SYPL1: variants seen among roughly 807,000 people sequenced by gnomAD.
SYPL1 encodes synaptophysin like 1, also known as synaptophysin-like protein 1.
A neutral mutation model predicts 23.7 loss-of-function variants in SYPL1; 6 were observed. The ratio of observed to expected loss-of-function variants is 0.25; its 90% CI spans 0.14 to 0.50. The LOEUF (loss-of-function observed/expected upper bound fraction) is 0.50. Among genes scored for constraint, SYPL1 ranks in the 20% least tolerant of loss-of-function variants. The pLI, the probability that SYPL1 is intolerant of heterozygous loss-of-function variation, is 0.98. For missense variants in SYPL1, 253 were observed against 288.9 expected, an observed-to-expected ratio of 0.88 and a Z score of 0.90; for synonymous variants, 102 against 104.5, an observed-to-expected ratio of 0.98 and a Z score of 0.15.
intron 1 of SYPL1, among the ~76,000 whole-genome samples, chr7:106,111,519 G>A (rs1034853309): frequency 6.6e-6 from 1 of 152,206 alleles, no homozygotes; most frequent in Non-Finnish European, 1.5e-5. Flanking sequence ...CAAACTCGAT[G>A]TCCATTCCTA....
intron 3 of SYPL1, among the ~76,000 whole-genome samples, chr7:106,094,562 A>C (rs1028131830): frequency 1.3e-5 from 2 of 152,232 alleles, no homozygotes; most frequent in African/African-American, 4.8e-5. Flanking sequence ...GCACTGTGGA[A>C]GTACTCCCCC....
intron 2 of SYPL1, among the ~76,000 whole-genome samples, chr7:106,098,873 C>T (rs1720499667): frequency 6.6e-6 from 1 of 152,188 alleles, no homozygotes; most frequent in Non-Finnish European, 1.5e-5. Context: ...TTTATTTTTA[C>T]ATTTCCAATC....
chr7:106,097,942 C>A lies in SYPL1; in HGVS notation c.195-45G>T. The A allele has an allele frequency of 1.3e-6, 2 of 1,517,408 alleles. No individual in the cohort carries two copies. The highest frequency in any genetic ancestry group is 1.2e-5 in the South Asian group (1 of 84,144). The allele number at this position is 1,517,408 out of a possible 1,614,324, so 94.0% of individuals were successfully genotyped here. On this transcript the variant is annotated intron_variant, in intron 2 of 4. Coordinates refer to ENST00000455385, the MANE Select transcript of SYPL1 (RefSeq NM_182715.4). The surrounding 1 kb of genome is among the most constrained non-coding windows in gnomAD (Gnocchi z 4.6). ...AATTATTGGACTTTCCCAACAGAGACAGAAACATTTAAGCAAAACAATGAG... is the reference window on the plus strand; with the variant it reads ...AATTATTGGACTTTCCCAACAGAGAAAGAAACATTTAAGCAAAACAATGAG...
chr7:106,110,381 T>C (rs1032479519), intron 1 of SYPL1, among the ~76,000 whole-genome samples: 5 of 152,216 alleles, frequency 3.3e-5, no homozygotes, highest in Non-Finnish European at 7.3e-5. Flanking sequence ...CCTCCCTAGT[T>C]CCTCCAAGCA....
At chr7:106,098,073 GTATATGT>G (rs995172389) in intron 2 of SYPL1, among the ~76,000 whole-genome samples, 176 bp from the exon 3 acceptor site, 6 of 152,136 alleles carry the variant, frequency 3.9e-5, no homozygotes, top group Non-Finnish European at 8.8e-5. Flanking sequence ...CATAATAAAT[GTATATGT>G]TATACCTGGT....
At chr7:106,111,299 T>C (rs930280620) in intron 1 of SYPL1, among the ~76,000 whole-genome samples, 1 of 152,254 alleles carries the variant, frequency 6.6e-6, no homozygotes, top group East Asian at 1.9e-4. Flanking sequence ...CTGCTGTCTA[T>C]AAACACAACT....
At position 106,104,216 on chromosome 7, in the gene SYPL1, T is replaced by C. The variant is rs1339053902; in HGVS notation, c.70-4934A>G. 1.3e-5 allele frequency among the ~76,000 whole-genome samples: 2 copies of C among 152,126 alleles called. No homozygotes were observed. The highest frequency in any genetic ancestry group is 6.6e-5 in the Admixed American group (1 of 15,266). On this transcript the variant is annotated intron_variant, in intron 1 of 4. Transcript: ENST00000455385. This position sits in a 1 kb window ranked among gnomAD's most constrained non-coding sequence, Gnocchi z 4.1. ...TAACTCTATTATATATGAACTCTAC[T>C]ATAGGCATTTTTCTTGTGTAACTTG...
chr7:106,095,637 C>A lies in SYPL1; in HGVS notation c.402+2053G>T, dbSNP rs879699486. Among the ~76,000 whole-genome samples, 1 of 152,132 alleles carries A rather than the reference C, an allele frequency of 6.6e-6. No individual in the cohort carries two copies. Among genetic ancestry groups the A allele is most frequent in the Non-Finnish European group, 1.5e-5 (1 of 68,010 alleles). On this transcript the variant is annotated intron_variant, in intron 3 of 4. Transcript: ENST00000455385. The surrounding 1 kb of genome is among the most constrained non-coding windows in gnomAD (Gnocchi z 4.3). ...AAAGTGCTGGGATTACAGGCATGAC[C>A]CACTGCACCCAGTCTCTCAAAGAAA...
At position 106,091,997 on chromosome 7, in the gene SYPL1, CTACT is replaced by C; in HGVS notation, c.592-62_592-59del. ...ATACCTACTTATAAAAATTCATGCC[CTACT>C]TAAAAATCTCACTTTTTCTTTAAAT... is the stretch of plus-strand genomic sequence containing the variant. On this transcript the variant is annotated intron_variant, in intron 4 of 4. Transcript: ENST00000455385. The surrounding 1 kb of genome is among the most constrained non-coding windows in gnomAD (Gnocchi z 5.0). The C allele has an allele frequency of 2.6e-6, 4 of 1,510,592 alleles. 1 individual carries two copies. The South Asian group carries it at 5.0e-5, about 19-fold the overall frequency. 93.6% of individuals were successfully genotyped at this position (1,510,592 alleles called of 1,614,324 possible).
intron 1 of SYPL1, among the ~76,000 whole-genome samples, chr7:106,105,489 C>T (rs1166558091): frequency 6.7e-6 from 1 of 148,244 alleles, no homozygotes; most frequent in Admixed American, 6.8e-5. Context: ...AACAGTCCCA[C>T]TTACTTCTCT....
intron 1 of SYPL1, 41 bp from the exon 2 acceptor site, chr7:106,099,323 A>G: frequency 6.3e-7 from 1 of 1,586,446 alleles, no homozygotes. Context: ...GAAAAAAAAG[A>G]TAAGCAATAC....
chr7:106,100,608 T>A lies in SYPL1; in HGVS notation c.70-1326A>T, dbSNP rs1421715953. ...AGGAGCTCAATCTTTCAGCAAGTGG[T>A]GATGGCTCTATTTTCAAAATACATT... On this transcript the variant is annotated intron_variant, in intron 1 of 4. Coordinates refer to ENST00000455385, the MANE Select transcript of SYPL1 (RefSeq NM_182715.4). The surrounding 1 kb of genome is among the most constrained non-coding windows in gnomAD (Gnocchi z 5.1). 1.3e-5 allele frequency among the ~76,000 whole-genome samples: 2 copies of A among 152,218 alleles called. No homozygotes were observed. Among genetic ancestry groups the A allele is most frequent in the African/African-American group, 2.4e-5 (1 of 41,452 alleles).
At chr7:106,108,484 T>C (rs1435394198) in intron 1 of SYPL1, among the ~76,000 whole-genome samples, 1 of 152,150 alleles carries the variant, frequency 6.6e-6, no homozygotes, top group Non-Finnish European at 1.5e-5. Context: ...GTCATGGTCA[T>C]TTCTGCTTGG....
At chr7:106,092,925 A>C in intron 4 of SYPL1, 24 bp downstream of exon 4, 1 of 1,500,632 alleles carries the variant, frequency 6.7e-7, no homozygotes, top group Non-Finnish European at 8.9e-7. Context: ...TGAAAGAAAA[A>C]AATTATAAAT....
At chr7:106,092,672 C>CAA (rs549863505) in intron 4 of SYPL1, 7,964 of 268,302 alleles carry the variant, frequency 0.03, 2 homozygotes, top group South Asian at 0.05. Context: ...AACTCCATCT[C>CAA]AAAAAAAAAA....
chr7:106,098,292 G>A (rs1840134511), intron 2 of SYPL1, among the ~76,000 whole-genome samples: 1 of 152,094 alleles, frequency 6.6e-6, no homozygotes, highest in Non-Finnish European at 1.5e-5. Context: ...TTTTAACCCT[G>A]GATCAATAGT....
intron 3 of SYPL1, among the ~76,000 whole-genome samples, chr7:106,094,368 T>G (rs533295158): frequency 6.6e-6 from 1 of 152,264 alleles, no homozygotes; most frequent in Admixed American, 6.5e-5. Flanking sequence ...AGCTATGCTA[T>G]ATAGCTTGCC....
In SYPL1 at chr7:106,091,499, T is replaced by C. The variant is rs1222979049; in HGVS notation, c.*306A>G. Reference sequence around the variant, plus strand: ...TAACTGTTTTCTGAATGAAGATACATGTTAAGGCTTAAGGTGTAAACACTT... The same window carrying C: ...TAACTGTTTTCTGAATGAAGATACACGTTAAGGCTTAAGGTGTAAACACTT... On this transcript the variant is annotated 3_prime_UTR_variant, in exon 5 of 5. Transcript: ENST00000455385. The surrounding 1 kb of genome is among the most constrained non-coding windows in gnomAD (Gnocchi z 5.0). 2.5e-5 allele frequency: 6 copies of C among 236,394 alleles called. 1 individual carries two copies. In the East Asian group the frequency reaches 2.7e-4, roughly 11 times the overall value. The allele number at this position is 236,394 out of a possible 1,614,324, so 14.6% of individuals were successfully genotyped here.
rs1360764712 is a variant in SYPL1, at chr7:106,090,998, T to C, written c.*807A>G. 6.6e-6 allele frequency: 1 copy of C among 152,228 alleles called. No individual in the cohort carries two copies. Among genetic ancestry groups the C allele is most frequent in the Non-Finnish European group, 1.5e-5 (1 of 68,026 alleles). The allele number at this position is 152,228 out of a possible 1,614,324, so 9.4% of individuals were successfully genotyped here. ...TATTTTACTGTACTTACAAAGAGGC[T>C]GGGTCTCAGCCTGCACTTAAACAGC... On this transcript the variant is annotated 3_prime_UTR_variant, in exon 5 of 5. Transcript: ENST00000455385.
Sources: gnomAD v4.1 joint callset for allele counts (sites outside exome capture counted in the v4.1 genomes callset) on GRCh38, gnomAD v4.1.1 for gene constraint, Gnocchi (gnomAD v3.1) non-coding constraint, MANE v1.5 for transcripts, NCBI Gene and HGNC (gene_info 2026-07-23, HGNC 2026-07-21) for gene names.